Variants in ANK3 observed in about 807,000 individuals in gnomAD.
The protein encoded by ANK3 is ankyrin 3.
A neutral mutation model predicts 370.9 loss-of-function variants in ANK3; 57 were observed. That is an observed-to-expected ratio of 0.15 (90% CI 0.12 to 0.19). The LOEUF (loss-of-function observed/expected upper bound fraction) is 0.19. Ranked by LOEUF, ANK3 falls within the 10% of genes least tolerant of loss-of-function variation. The pLI, the probability that ANK3 is intolerant of heterozygous loss-of-function variation, is 1.00. For synonymous variants in ANK3, 1,929 were observed against 1,946.3 expected, an observed-to-expected ratio of 0.99 and a Z score of 0.23; for missense variants, 4,439 against 5,302.1, an observed-to-expected ratio of 0.84 and a Z score of 5.06.
chr10:60,167,299 T>G (rs1430474748), intron 21 of ANK3, among the ~76,000 whole-genome samples: 1 of 152,210 alleles, frequency 6.6e-6, no homozygotes, highest in Non-Finnish European at 1.5e-5. Context: ...CTCTATTACT[T>G]GTGCCAAGCT....
chr10:60,126,544 G>A (rs769139656), intron 25 of ANK3, among the ~76,000 whole-genome samples: 20 of 151,860 alleles, frequency 1.3e-4, no homozygotes, highest in Non-Finnish European at 2.4e-4. Flanking sequence ...AAAAATTAGC[G>A]AGGTGTGGTG....
chr10:60,334,958 A>G (rs2052430547), intron 1 of ANK3, among the ~76,000 whole-genome samples: 1 of 152,082 alleles, frequency 6.6e-6, no homozygotes. Flanking sequence ...AGAGGTTTGA[A>G]ACACTGTACT....
chr10:60,103,075 C>T (rs951547423), intron 28 of ANK3, among the ~76,000 whole-genome samples: 5 of 151,948 alleles, frequency 3.3e-5, no homozygotes, highest in Admixed American at 6.6e-5. Flanking sequence ...CTCAGCCTCC[C>T]GAGTAGCTGG....
intron 1 of ANK3, among the ~76,000 whole-genome samples, chr10:60,691,303 GA>G (rs1264484258): frequency 6.6e-6 from 1 of 152,036 alleles, no homozygotes; most frequent in East Asian, 1.9e-4. Context: ...AATGAAATTT[GA>G]AAAAGAAAAG....
At chr10:60,684,791 T>C in intron 1 of ANK3, 2 of 1,550,170 alleles carry the variant, frequency 1.3e-6, no homozygotes, top group Non-Finnish European at 1.8e-6. Context: ...ACAGATGGCA[T>C]TTTATTTCTT....
intron 16 of ANK3, among the ~76,000 whole-genome samples, chr10:60,188,282 A>G (rs2096394414): frequency 6.6e-6 from 1 of 152,170 alleles, no homozygotes; most frequent in South Asian, 2.1e-4. Context: ...GTGCCTCAGG[A>G]GCCATCAGGG....
chr10:60,469,547 GTATA>G (rs374056172), intron 2 of ANK3, among the ~76,000 whole-genome samples: 23 of 1,026 alleles, frequency 0.022, 5 homozygotes, highest in Non-Finnish European at 0.035. Context: ...ATATGGTGGT[GTATA>G]TATATATATA....
chr10:60,051,806 T>TGC (rs1589274421), intron 42 of ANK3, among the ~76,000 whole-genome samples: 1 of 151,454 alleles, frequency 6.6e-6, no homozygotes, highest in East Asian at 1.9e-4. Context: ...TGTGTGTGTG[T>TGC]ACAGGTAAAG....
chr10:60,652,422 T>C (rs1397657907), intron 1 of ANK3, among the ~76,000 whole-genome samples: 1 of 151,494 alleles, frequency 6.6e-6, no homozygotes, highest in Admixed American at 6.6e-5. Context: ...ACGAAAACTA[T>C]ACTACACTAA....
intron 23 of ANK3, chr10:60,140,660 A>C: frequency 7.5e-7 from 1 of 1,331,480 alleles, no homozygotes; most frequent in Non-Finnish European, 9.6e-7. Context: ...CACTTCGCAG[A>C]CATCCTTTTA....
chr10:60,576,256 T>C (rs1567159457), intron 2 of ANK3, among the ~76,000 whole-genome samples: 2 of 152,196 alleles, frequency 1.3e-5, no homozygotes, highest in African/African-American at 4.8e-5. Context: ...TCACTCCCGA[T>C]AGAAGTCATC....
intron 1 of ANK3, among the ~76,000 whole-genome samples, chr10:60,683,517 T>G (rs965315013): frequency 6.6e-6 from 1 of 152,244 alleles, no homozygotes; most frequent in Non-Finnish European, 1.5e-5. Flanking sequence ...AACATGATTA[T>G]GAATTTCACT....
chr10:60,075,883 T>C lies in ANK3; in HGVS notation c.4998A>G (p.Ser1666=). Residue 1666 remains serine, a synonymous_variant, in exon 37 of 44, where the codon TCA becomes TCG. Transcript: ENST00000280772. ...AAGGTGAAGATATTAGCGGTGCTGC[T>C]GATGTAATAATTGACTTAAATGGCA... ...SSLPFKSIIT[S]AAPLISSPLK... 6.2e-7 allele frequency: 1 copy of C among 1,614,166 alleles called. No homozygotes were observed. The highest frequency in any genetic ancestry group is 1.3e-5 in the African/African-American group (1 of 75,060).
intron 2 of ANK3, among the ~76,000 whole-genome samples, chr10:60,551,349 C>T (rs2077084249): frequency 6.6e-6 from 1 of 152,062 alleles, no homozygotes; most frequent in East Asian, 1.9e-4. Flanking sequence ...CAAGTGAGAA[C>T]CAATTAATTT....
intron 2 of ANK3, among the ~76,000 whole-genome samples, chr10:60,430,418 A>G (rs545877949): frequency 6.6e-6 from 1 of 152,300 alleles, no homozygotes; most frequent in South Asian, 2.1e-4. Flanking sequence ...AGAAATGACT[A>G]GCCATCTGTT....
chr10:60,328,702 C>A (rs186646071), intron 1 of ANK3, among the ~76,000 whole-genome samples: 1 of 152,168 alleles, frequency 6.6e-6, no homozygotes, highest in South Asian at 2.1e-4. Context: ...CTGAATTCTA[C>A]GAAGAGGAAT....
intron 17 of ANK3, among the ~76,000 whole-genome samples, chr10:60,182,937 A>T (rs536709549): frequency 2.6e-5 from 4 of 152,224 alleles, no homozygotes; most frequent in Non-Finnish European, 4.4e-5. Flanking sequence ...TTCAGAGGAA[A>T]TAATATTGTC....
At chr10:60,234,076 A>G (rs1177203523) in intron 8 of ANK3, among the ~76,000 whole-genome samples, 1 of 152,156 alleles carries the variant, frequency 6.6e-6, no homozygotes, top group Non-Finnish European at 1.5e-5. Context: ...ATGCAACAAG[A>G]TTTCCTTCTA....
At chr10:60,554,367 G>A (rs1410232941) in intron 2 of ANK3, among the ~76,000 whole-genome samples, 2 of 152,140 alleles carry the variant, frequency 1.3e-5, no homozygotes, top group Non-Finnish European at 2.9e-5. Flanking sequence ...ATAAACGCAG[G>A]TAAGCACAGG....
Sources: allele counts gnomAD v4.1 joint callset (sites outside exome capture counted in the v4.1 genomes callset), GRCh38; gene constraint gnomAD v4.1.1; transcripts MANE v1.5; gene names NCBI Gene and HGNC (gene_info 2026-07-23, HGNC 2026-07-21).